Variants in THSD7A observed in about 807,000 individuals in gnomAD.
The protein encoded by THSD7A is thrombospondin type-1 domain-containing protein 7A.
A neutral mutation model predicts 231.3 loss-of-function variants in THSD7A; 96 were observed. The ratio of observed to expected loss-of-function variants is 0.41; its 90% CI spans 0.35 to 0.49. The LOEUF is 0.49. Ranked by LOEUF, THSD7A falls within the 20% of genes least tolerant of loss-of-function variation. The pLI is 0.05. For missense variants in THSD7A, 2,290 were observed against 2,070.2 expected (o/e 1.11, Z -2.06); for synonymous variants, 940 against 743.3 (o/e 1.26, Z -4.30).
chr7:11,373,781 A>G lies in THSD7A; in HGVS notation c.*2013T>C, dbSNP rs1482209140. The G allele has an allele frequency of 1.3e-5, 2 of 152,084 alleles. No homozygotes were observed. The highest frequency in any genetic ancestry group is 1.5e-5 in the Non-Finnish European group (1 of 68,014). The allele number at this position is 152,084 out of a possible 1,614,324, so 9.4% of individuals were successfully genotyped here. ...GAAGGTAAAAATACCTTCTAATCCA[A>G]AACACTTTTACAGGAACACAGCTGT... is the stretch of plus-strand genomic sequence containing the variant. On this transcript the variant is annotated 3_prime_UTR_variant, in exon 28 of 28. Transcript: ENST00000423059.
At position 11,406,996 on chromosome 7, in the gene THSD7A, G is replaced by A. The variant is rs763039347; in HGVS notation, c.3976C>T (p.Pro1326Ser). ...QPFQGDGRPCPSLMDQSKPCP... is the reference protein window; with the variant it reads ...QPFQGDGRPCSSLMDQSKPCP... ...GGTTTGGACTGGTCCATCAGGGAAG[G>A]GCATGGTCTTCCATCACCTTGAAAG... Residue 1326 changes from proline to serine, a missense_variant, in exon 21 of 28, where the codon CCT becomes TCT. Physicochemically the swap from Pro to Ser is moderately conservative, Grantham distance 74. Coordinates refer to ENST00000423059, the MANE Select transcript of THSD7A (RefSeq NM_015204.3). This position sits in a 1 kb window ranked among gnomAD's most constrained non-coding sequence, Gnocchi z 4.7. 1 of 1,613,732 alleles carries A rather than the reference G, an allele frequency of 6.2e-7. No individual in the cohort carries two copies. The highest frequency in any genetic ancestry group is 8.5e-7 in the Non-Finnish European group (1 of 1,179,816).
chr7:11,436,849 AG>A (rs1286330243), intron 13 of THSD7A, among the ~76,000 whole-genome samples: 1 of 151,986 alleles, frequency 6.6e-6, no homozygotes, highest in Non-Finnish European at 1.5e-5. Flanking sequence ...CAACAAAGGG[AG>A]GGGAAAGTGT....
intron 1 of THSD7A, among the ~76,000 whole-genome samples, chr7:11,801,223 A>T (rs1784266016): frequency 6.6e-6 from 1 of 152,024 alleles, no homozygotes; most frequent in Non-Finnish European, 1.5e-5. Flanking sequence ...GCTAAAAAAT[A>T]AAAAGAAGTT....
chr7:11,567,925 AT>A (rs1438337681), intron 4 of THSD7A, among the ~76,000 whole-genome samples: 5 of 151,888 alleles, frequency 3.3e-5, no homozygotes, highest in African/African-American at 7.3e-5. Context: ...ATCTCACCTA[AT>A]TTTTTTGGTA....
intron 1 of THSD7A, among the ~76,000 whole-genome samples, chr7:11,645,470 TA>T (rs1782243732): frequency 6.6e-6 from 1 of 151,900 alleles, no homozygotes; most frequent in African/African-American, 2.4e-5. Context: ...ACACATGTAT[TA>T]AAAGTTTAAT....
intron 4 of THSD7A, among the ~76,000 whole-genome samples, chr7:11,562,536 T>C (rs420): frequency 0.57 from 86,645 of 151,934 alleles, 24,981 homozygotes; most frequent in Middle Eastern, 0.67. Context: ...AATTAGCATT[T>C]TATTTCCTTA....
At chr7:11,735,187 A>G (rs1173006561) in intron 1 of THSD7A, among the ~76,000 whole-genome samples, 2 of 151,890 alleles carry the variant, frequency 1.3e-5, no homozygotes, top group Admixed American at 1.3e-4. Flanking sequence ...TAGTCACAAC[A>G]CTTTGTCACT....
At position 11,474,297 on chromosome 7, in the gene THSD7A, G is replaced by T. The variant is rs772346621; in HGVS notation, c.2252+37C>A. ...CCTGAGCCAATCCTCTGCACAGGTGGCTACACGATTTACTGTTGTCATTCT... is the reference window on the plus strand; with the variant it reads ...CCTGAGCCAATCCTCTGCACAGGTGTCTACACGATTTACTGTTGTCATTCT... On this transcript the variant is annotated intron_variant, in intron 8 of 27. Transcript: ENST00000423059. This position sits in a 1 kb window ranked among gnomAD's most constrained non-coding sequence, Gnocchi z 4.1. The T allele has an allele frequency of 1.9e-6, 3 of 1,546,966 alleles. No individual in the cohort carries two copies. Among genetic ancestry groups the T allele is most frequent in the Admixed American group, 3.5e-5 (2 of 57,686 alleles).
chr7:11,532,064 G>C (rs935297150), intron 6 of THSD7A, among the ~76,000 whole-genome samples: 1 of 152,036 alleles, frequency 6.6e-6, no homozygotes, highest in African/African-American at 2.4e-5. Context: ...CCATTCAGCT[G>C]TTTTTCTCTC....
At chr7:11,730,235 G>C (rs894592128) in intron 1 of THSD7A, among the ~76,000 whole-genome samples, 2 of 151,496 alleles carry the variant, frequency 1.3e-5, no homozygotes, top group Non-Finnish European at 3.0e-5. Flanking sequence ...ATTTAAAAAT[G>C]AAGCATATTT....
At chr7:11,750,512 C>G (rs1782463591) in intron 1 of THSD7A, among the ~76,000 whole-genome samples, 2 of 152,082 alleles carry the variant, frequency 1.3e-5, no homozygotes, top group South Asian at 4.2e-4. Context: ...CATATTCTGA[C>G]CAAGTGATGG....
At chr7:11,756,939 C>G (rs889769766) in intron 1 of THSD7A, among the ~76,000 whole-genome samples, 5 of 151,960 alleles carry the variant, frequency 3.3e-5, no homozygotes, top group African/African-American at 1.2e-4. Context: ...TTATTGCATG[C>G]TGAATTCTGG....
At chr7:11,572,773 T>C (rs1790700872) in intron 4 of THSD7A, among the ~76,000 whole-genome samples, 1 of 152,146 alleles carries the variant, frequency 6.6e-6, no homozygotes, top group African/African-American at 2.4e-5. Context: ...CCCAGAGTGC[T>C]GGGATTAAAG....
intron 1 of THSD7A, among the ~76,000 whole-genome samples, chr7:11,668,115 T>A (rs1371912209): frequency 2.2e-5 from 3 of 139,420 alleles, no homozygotes; most frequent in Non-Finnish European, 4.7e-5. Flanking sequence ...TTACTCTGGA[T>A]GTGAAATCTA....
chr7:11,683,929 AAC>A (rs1224659279), intron 1 of THSD7A, among the ~76,000 whole-genome samples: 5 of 151,970 alleles, frequency 3.3e-5, no homozygotes, highest in African/African-American at 1.2e-4. Flanking sequence ...CAACAACAAC[AAC>A]AAAAAACTAC....
intron 1 of THSD7A, among the ~76,000 whole-genome samples, chr7:11,811,262 A>T (rs1004663732): frequency 1.2e-4 from 18 of 152,206 alleles, no homozygotes; most frequent in Admixed American, 5.2e-4. Context: ...CATGCACTGT[A>T]CACAAGTTAT....
intron 19 of THSD7A, chr7:11,410,550 T>G (rs148007643): frequency 2.0e-5 from 3 of 151,836 alleles, no homozygotes; most frequent in Non-Finnish European, 4.4e-5. Context: ...TTAGATAAAA[T>G]TATTACAACA....
chr7:11,389,740 G>C (rs775471572), intron 23 of THSD7A, among the ~76,000 whole-genome samples: 2 of 151,984 alleles, frequency 1.3e-5, no homozygotes, highest in Non-Finnish European at 2.9e-5. Context: ...AATTTGTTAC[G>C]TTTGTGGTAC....
Position 11,663,038 on chromosome 7 carries a change from T to C in THSD7A, c.191-26077A>G, listed in dbSNP as rs182118590. ...AATAATAAAATGAAGCCAAAGAAAA[T>C]AGAAAGAGAGAAATACTAAGAGTAA... On this transcript the variant is annotated intron_variant, in intron 1 of 27. Coordinates refer to ENST00000423059, the MANE Select transcript of THSD7A (RefSeq NM_015204.3). 2.0e-4 allele frequency among the ~76,000 whole-genome samples: 30 copies of C among 150,550 alleles called. No homozygotes were observed. In the East Asian group the frequency reaches 5.7e-3, roughly 29 times the overall value.
Sources: gnomAD v4.1 joint callset for allele counts (sites outside exome capture counted in the v4.1 genomes callset) on GRCh38, gnomAD v4.1.1 for gene constraint, Gnocchi (gnomAD v3.1) non-coding constraint, MANE v1.5 for transcripts, NCBI Gene and HGNC (gene_info 2026-07-23, HGNC 2026-07-21) for gene names.